The following ADGRL3 variants were observed in gnomAD, a reference collection of about 807,000 sequenced individuals.
ADGRL3 encodes the protein adhesion G protein-coupled receptor L3, also known as calcium-independent alpha-latrotoxin receptor 3.
ADGRL3 carries 62 observed loss-of-function variants against 153.5 expected under a neutral mutation model. The ratio of observed to expected loss-of-function variants is 0.40; its 90% confidence interval spans 0.33 to 0.50. ADGRL3 has a LOEUF of 0.50. Ranked by LOEUF, ADGRL3 falls within the 20% of genes least tolerant of loss-of-function variation. ADGRL3 has a pLI of 0.47. For synonymous variants in ADGRL3, 710 were observed against 672.5 expected, an observed-to-expected ratio of 1.06 and a Z score of -0.86; for missense variants, 1,641 against 1,859.4, an observed-to-expected ratio of 0.88 and a Z score of 2.16.
At chr4:61,333,457 G>T (rs1181753750) in intron 1 of ADGRL3, among the ~76,000 whole-genome samples, 3 of 152,016 alleles carry the variant, frequency 2.0e-5, no homozygotes, top group Non-Finnish European at 4.4e-5. Flanking sequence ...ATTGAAGTGT[G>T]GTGTATCACT....
intron 8 of ADGRL3, among the ~76,000 whole-genome samples, chr4:61,756,753 G>A (rs57495327): frequency 0.087 from 13,159 of 152,082 alleles, 1,193 homozygotes; most frequent in African/African-American, 0.23. Flanking sequence ...ATTGGCTGTG[G>A]GTTTGTCATA....
At chr4:61,762,789 G>A (rs1164949024) in intron 8 of ADGRL3, among the ~76,000 whole-genome samples, 1 of 152,048 alleles carries the variant, frequency 6.6e-6, no homozygotes, top group Non-Finnish European at 1.5e-5. Context: ...TTTTTAATAA[G>A]AACAGACCAA....
intron 1 of ADGRL3, among the ~76,000 whole-genome samples, chr4:61,330,885 A>G (rs2095558997): frequency 6.6e-6 from 1 of 152,128 alleles, no homozygotes. Flanking sequence ...CTTTAGCTAG[A>G]CACAAAAGTT....
At chr4:62,051,061 C>T (rs1439328088) in intron 25 of ADGRL3, among the ~76,000 whole-genome samples, 4 of 148,670 alleles carry the variant, frequency 2.7e-5, no homozygotes, top group Admixed American at 6.8e-5. Flanking sequence ...GAGGCAACAG[C>T]GTTCTGTGTG....
At chr4:61,555,439 A>C (rs755922998) in intron 4 of ADGRL3, among the ~76,000 whole-genome samples, 2 of 152,200 alleles carry the variant, frequency 1.3e-5, no homozygotes, top group Non-Finnish European at 2.9e-5. Context: ...ATAAAGCCAG[A>C]ATTGTATTCA....
At chr4:61,498,900 T>G (rs1015369201) in intron 3 of ADGRL3, among the ~76,000 whole-genome samples, 1 of 152,330 alleles carries the variant, frequency 6.6e-6, no homozygotes, top group East Asian at 1.9e-4. Flanking sequence ...TCATTGATTT[T>G]TTTCACTAAG....
intron 1 of ADGRL3, among the ~76,000 whole-genome samples, chr4:61,263,388 G>A (rs2092661350): frequency 6.6e-6 from 1 of 150,516 alleles, no homozygotes; most frequent in Non-Finnish European, 1.5e-5. Context: ...TGGTAACTGG[G>A]GTTTAACCCT....
chr4:61,804,788 A>G (rs1473000472), intron 8 of ADGRL3, among the ~76,000 whole-genome samples: 1 of 152,126 alleles, frequency 6.6e-6, no homozygotes, highest in East Asian at 1.9e-4. Context: ...GTCACACTAC[A>G]TCATTGATAA....
rs1734524748 is a variant in ADGRL3 at position 61,201,087 on chromosome 4, A to G, written c.-918A>G. On this transcript the variant is annotated 5_prime_UTR_variant, in exon 1 of 27. Transcript: ENST00000683033. The stretch of plus-strand genomic sequence containing the variant: ...AGGAGGACGGTTTGGCGGAGAAGCC[A>G]CCCCTGGCCCTCGCGGCTCCCCCTA... Among the ~76,000 whole-genome samples, 1 of 149,724 alleles carries G rather than the reference A, an allele frequency of 6.7e-6. No individual in the cohort carries two copies. The highest frequency in any genetic ancestry group is 2.5e-5 in the African/African-American group (1 of 40,362).
intron 25 of ADGRL3, among the ~76,000 whole-genome samples, chr4:62,052,515 A>C (rs1734777106): frequency 6.6e-6 from 1 of 151,468 alleles, no homozygotes; most frequent in Non-Finnish European, 1.5e-5. Flanking sequence ...GGCAAGCCAC[A>C]TATTACTTTT....
rs191824370 is a variant in ADGRL3, at chr4:62,029,949, T to C, written c.3422+1068T>C. 2.2e-3 allele frequency among the ~76,000 whole-genome samples: 334 copies of C among 151,706 alleles called. 2 individuals carry two copies. Among genetic ancestry groups the C allele is most frequent in the South Asian group, 5.2e-3 (25 of 4,824 alleles). On this transcript the variant is annotated intron_variant, in intron 22 of 26. Coordinates refer to ENST00000683033, the MANE Select transcript of ADGRL3 (RefSeq NM_001387552.1). Reference sequence around the variant, plus strand: ...AGTATACTTCTGAATCCAGTTGTAGTATAAAATATTAACACCTAAAATGTT... The same window carrying C: ...AGTATACTTCTGAATCCAGTTGTAGCATAAAATATTAACACCTAAAATGTT...
intron 2 of ADGRL3, among the ~76,000 whole-genome samples, chr4:61,404,660 A>G (rs2096971524): frequency 6.6e-6 from 1 of 152,108 alleles, no homozygotes; most frequent in Non-Finnish European, 1.5e-5. Context: ...CACCCTGAAT[A>G]AAAATTATAA....
At chr4:62,061,806 T>C (rs191125385) in intron 25 of ADGRL3, among the ~76,000 whole-genome samples, 1 of 152,040 alleles carries the variant, frequency 6.6e-6, no homozygotes, top group Non-Finnish European at 1.5e-5. Context: ...TTCCTTTTGT[T>C]TGTTGACTAG....
At chr4:61,987,361 G>A (rs898793251) in intron 19 of ADGRL3, among the ~76,000 whole-genome samples, 7 of 151,770 alleles carry the variant, frequency 4.6e-5, no homozygotes, top group Non-Finnish European at 8.8e-5. Flanking sequence ...TTTTAGTAGA[G>A]ATGGGGTTTC....
Position 61,947,023 on chromosome 4 carries a change from T to C in ADGRL3, c.2529T>C (p.Val843=). 4.3e-6 allele frequency: 7 copies of C among 1,613,776 alleles called. No homozygotes were observed. Among genetic ancestry groups the C allele is most frequent in the Non-Finnish European group, 5.9e-6 (7 of 1,179,762 alleles). Reference sequence around the variant, plus strand: ...AAGCTTTGTCCACAAATCATTCTGTTATTGTCAATTCCCCTGTTATTACGG... The same window carrying C: ...AAGCTTTGTCCACAAATCATTCTGTCATTGTCAATTCCCCTGTTATTACGG... ...GTEALSTNHS[V]IVNSPVITAA... The change falls in exon 16 of 27, where the codon GTT becomes GTC. Residue 843 remains valine, a synonymous_variant. Transcript: ENST00000683033.
chr4:61,576,420 G>C (rs2098883135), intron 4 of ADGRL3, among the ~76,000 whole-genome samples: 2 of 151,352 alleles, frequency 1.3e-5, no homozygotes, highest in South Asian at 4.2e-4. Context: ...ACTGTCATTA[G>C]AATTTATGAA....
intron 1 of ADGRL3, among the ~76,000 whole-genome samples, chr4:61,234,180 A>C (rs934623723): frequency 3.9e-5 from 6 of 152,064 alleles, no homozygotes; most frequent in African/African-American, 1.4e-4. Context: ...CATAACTGAG[A>C]CTGGGAAGAA....
intron 5 of ADGRL3, among the ~76,000 whole-genome samples, chr4:61,619,919 A>G (rs56403636): frequency 0.018 from 2,770 of 152,310 alleles, 87 homozygotes; most frequent in East Asian, 0.14. Flanking sequence ...TGTAACGGCA[A>G]ATAGTTAAAA....
intron 17 of ADGRL3, among the ~76,000 whole-genome samples, chr4:61,971,378 A>G (rs1200622726): frequency 2.6e-5 from 4 of 152,084 alleles, no homozygotes; most frequent in South Asian, 2.1e-4. Context: ...TCATTGTTCA[A>G]TTCCCATCTA....
Sources: allele counts gnomAD v4.1 joint callset (sites outside exome capture counted in the v4.1 genomes callset), GRCh38; gene constraint gnomAD v4.1.1; transcripts MANE v1.5; gene names NCBI Gene and HGNC (gene_info 2026-07-23, HGNC 2026-07-21).